CCDC171: variants seen among roughly 807,000 people sequenced by gnomAD.
CCDC171 encodes the protein coiled-coil domain-containing protein 171.
A neutral mutation model predicts 168.2 loss-of-function variants in CCDC171; 177 were observed. That is an observed-to-expected ratio of 1.05 (90% CI 0.93 to 1.19). The LOEUF (loss-of-function observed/expected upper bound fraction) is 1.19. Ranked by LOEUF, CCDC171 falls within the 50% of genes most tolerant of loss-of-function variation. CCDC171 has a pLI of 0.00. For synonymous variants in CCDC171, 687 were observed against 540.8 expected, an observed-to-expected ratio of 1.27 and a Z score of -3.75; for missense variants, 1,991 against 1,539.0, an observed-to-expected ratio of 1.29 and a Z score of -4.91.
At chr9:16,081,736 G>A in the CCDC171 span, among the ~76,000 whole-genome samples, 3 of 152,020 alleles carry the variant, frequency 2.0e-5, no homozygotes, top group Non-Finnish European at 4.4e-5. Flanking sequence ...TAAGAATCCT[G>A]TGGTCTTGCC....
At chr9:16,094,486 C>T in the CCDC171 span, among the ~76,000 whole-genome samples, 1 of 152,076 alleles carries the variant, frequency 6.6e-6, no homozygotes, top group African/African-American at 2.4e-5. Context: ...CAATCCAGGC[C>T]CAGCAGAACC....
chr9:16,101,498 T>G, the CCDC171 span, among the ~76,000 whole-genome samples: 4 of 152,246 alleles, frequency 2.6e-5, no homozygotes, highest in African/African-American at 9.6e-5. Context: ...CTCCTGTGAT[T>G]ATGTTACACT....
At chr9:15,677,277 A>C (rs1356896936) in intron 9 of CCDC171, among the ~76,000 whole-genome samples, 2 of 152,094 alleles carry the variant, frequency 1.3e-5, no homozygotes, top group African/African-American at 4.8e-5. Flanking sequence ...TAAATGTAGC[A>C]TCCAATCCTT....
At chr9:16,055,401 C>A (rs78780736) in intron 1 of CCDC171, among the ~76,000 whole-genome samples, 492 of 152,056 alleles carry the variant, frequency 3.2e-3, no homozygotes, top group African/African-American at 0.011. Context: ...GGGGGCAGAG[C>A]CTGTGGTCCT....
At chr9:15,908,351 T>A (rs1823048923) in intron 24 of CCDC171, among the ~76,000 whole-genome samples, 1 of 152,178 alleles carries the variant, frequency 6.6e-6, no homozygotes, top group African/African-American at 2.4e-5. Context: ...TCATGTCCTT[T>A]GTAGGGACAT....
intron 24 of CCDC171, chr9:15,887,727 A>G (rs1393658011): frequency 1.3e-5 from 2 of 152,174 alleles, no homozygotes; most frequent in Admixed American, 6.5e-5. Context: ...ATAAATTCTC[A>G]TAATAATTTC....
the CCDC171 span, among the ~76,000 whole-genome samples, chr9:16,094,883 C>T: frequency 1.3e-5 from 2 of 152,136 alleles, no homozygotes; most frequent in African/African-American, 4.8e-5. Flanking sequence ...AAAGAGGGGC[C>T]TGATGGAGGT....
intron 3 of CCDC171, among the ~76,000 whole-genome samples, chr9:15,572,771 C>A (rs2040336886): frequency 1.3e-5 from 2 of 152,056 alleles, no homozygotes; most frequent in Admixed American, 6.6e-5. Flanking sequence ...GTTTGTAAAC[C>A]CCCTGAGAGC....
chr9:16,103,514 G>C, the CCDC171 span, among the ~76,000 whole-genome samples: 1 of 152,214 alleles, frequency 6.6e-6, no homozygotes, highest in African/African-American at 2.4e-5. Flanking sequence ...TTTCCATAAA[G>C]AGCCCCTTGT....
chr9:16,021,571 A>G (rs949634401), intron 4 of CCDC171, among the ~76,000 whole-genome samples: 3 of 152,220 alleles, frequency 2.0e-5, no homozygotes, highest in Admixed American at 1.3e-4. Flanking sequence ...TAGATTTGCA[A>G]TAAATTGCTT....
At chr9:16,082,227 T>C in the CCDC171 span, among the ~76,000 whole-genome samples, 2 of 152,206 alleles carry the variant, frequency 1.3e-5, no homozygotes, top group East Asian at 3.9e-4. Context: ...TAAATATGCT[T>C]TGTAATATGT....
At chr9:15,723,512 C>G in intron 12 of CCDC171, 169 bp from the exon 13 acceptor site, 1 of 564,040 alleles carries the variant, frequency 1.8e-6, no homozygotes, top group Non-Finnish European at 3.1e-6. Context: ...TAGCATTTAA[C>G]CAAAAGAAAT....
In CCDC171 at chr9:15,811,109, T is replaced by A. The variant is rs537829147; in HGVS notation, c.3267+26415T>A. ...GTGTCACGTGAAGTATCTAGGCCTGTAGCAGACCTGTTGGGCTTGGAAAGA... is the reference window on the plus strand; with the variant it reads ...GTGTCACGTGAAGTATCTAGGCCTGAAGCAGACCTGTTGGGCTTGGAAAGA... On this transcript the variant is annotated intron_variant, in intron 21 of 25. Transcript: ENST00000380701. Among the ~76,000 whole-genome samples, 26 of 152,350 alleles carry A rather than the reference T, an allele frequency of 1.7e-4. No individual in the cohort carries two copies. The South Asian group carries it at 1.9e-3, about 11-fold the overall frequency.
chr9:15,780,323 C>CT (rs1028113810), intron 20 of CCDC171, among the ~76,000 whole-genome samples: 20 of 149,172 alleles, frequency 1.3e-4, no homozygotes, highest in South Asian at 2.1e-4. Context: ...GCTGCTTCAA[C>CT]TTTTTTTTTT....
intron 14 of CCDC171, among the ~76,000 whole-genome samples, chr9:15,727,567 T>G (rs1185120717): frequency 2.6e-5 from 4 of 152,154 alleles, no homozygotes; most frequent in Non-Finnish European, 4.4e-5. Context: ...TAAGGAAACT[T>G]AAGCCTGAGC....
chr9:16,047,094 C>A (rs943418148), intron 1 of CCDC171, among the ~76,000 whole-genome samples: 1 of 152,198 alleles, frequency 6.6e-6, no homozygotes. Context: ...ACCTCTTAAA[C>A]TGCAGTATAT....
Position 15,748,912 on chromosome 9 carries a change from C to T in CCDC171, c.2671+3281C>T, listed in dbSNP as rs532373284. 7.9e-4 allele frequency among the ~76,000 whole-genome samples: 120 copies of T among 152,190 alleles called. 1 individual carries two copies. Among genetic ancestry groups the T allele is most frequent in the Admixed American group, 5.3e-3 (81 of 15,280 alleles). ...GCTATGAAGAAACTGCATCAAGTAA[C>T]GGGCAAAATAACCAGCTAACATCAT... On this transcript the variant is annotated intron_variant, in intron 18 of 25. Coordinates refer to ENST00000380701, the MANE Select transcript of CCDC171 (RefSeq NM_173550.4).
chr9:15,909,847 A>G (rs939954566), intron 24 of CCDC171, among the ~76,000 whole-genome samples: 1 of 152,068 alleles, frequency 6.6e-6, no homozygotes, highest in Non-Finnish European at 1.5e-5. Context: ...ATTTTTACAT[A>G]TTTAGGAGGT....
intron 3 of CCDC171, among the ~76,000 whole-genome samples, chr9:16,017,221 T>C (rs1245098824): frequency 6.6e-6 from 1 of 152,156 alleles, no homozygotes; most frequent in Non-Finnish European, 1.5e-5. Context: ...ATCCAGAAAA[T>C]ACTATTTTCC....
Sources: allele counts gnomAD v4.1 joint callset (sites outside exome capture counted in the v4.1 genomes callset), GRCh38; gene constraint gnomAD v4.1.1; transcripts MANE v1.5; gene names NCBI Gene and HGNC (gene_info 2026-07-23, HGNC 2026-07-21).